TSC2: variants seen among roughly 807,000 people sequenced by gnomAD.
TSC2 encodes TSC complex subunit 2.
TSC2 carries 29 observed loss-of-function variants against 202.2 expected under a neutral mutation model. That is an observed-to-expected ratio of 0.14 (90% CI 0.11 to 0.20). The LOEUF is 0.20. TSC2 is among the 10% of genes least tolerant of loss of function. The pLI, the probability that TSC2 is intolerant of heterozygous loss-of-function variation, is 1.00. For missense variants in TSC2, 2,429 were observed against 2,420.0 expected, an observed-to-expected ratio of 1.00 and a Z score of -0.08; for synonymous variants, 1,349 against 1,044.0, an observed-to-expected ratio of 1.29 and a Z score of -5.63.
In TSC2 at chr16:2,079,117, C is replaced by A. The variant is rs1034696882; in HGVS notation, c.3052C>A (p.Leu1018Ile). 1 of 1,613,070 alleles carries A rather than the reference C, an allele frequency of 6.2e-7. No individual in the cohort carries two copies. The highest frequency in any genetic ancestry group is 1.1e-5 in the South Asian group (1 of 91,078). ...CCAGGCTGACGATAGCCTGAAAAAC[C>A]TCCACCTGGAGCTCACGGAAACCTG... ...VAQADDSLKN[L>I]HLELTETCLD... Residue 1018 changes from leucine (L) to isoleucine (I), a missense_variant, in exon 27 of 42, where the codon CTC (leucine) becomes ATC (isoleucine). Physicochemically the swap from Leu to Ile is conservative, Grantham distance 5. Transcript: ENST00000219476. This position sits in a 1 kb window ranked among gnomAD's most constrained non-coding sequence, Gnocchi z 4.6.
rs377558380 is a variant in TSC2 at position 2,056,624 on chromosome 16, G to T, written c.649-20G>T. 6.2e-7 allele frequency: 1 copy of T among 1,607,220 alleles called. No individual in the cohort carries two copies. Among genetic ancestry groups the T allele is most frequent in the Non-Finnish European group, 8.5e-7 (1 of 1,179,900 alleles). On this transcript the variant is annotated intron_variant, in intron 7 of 41. Transcript: ENST00000219476. ...AGGAGCTGGGGTAGGACGGGCGTGA[G>T]CCGTCTCCCTCTCCACCAGGTCTCC...
intron 26 of TSC2, 167 bp from the exon 27 acceptor site, chr16:2,078,864 TG>T: frequency 1.2e-6 from 1 of 806,468 alleles, no homozygotes; most frequent in Non-Finnish European, 2.0e-6. Flanking sequence ...TGGGACAATG[TG>T]GTCCACGTGA....
At chr16:2,077,271 T>G in intron 25 of TSC2, 1 of 383,360 alleles carries the variant, frequency 2.6e-6, no homozygotes. Context: ...GTGGGTGGGA[T>G]TGCCTGGCCA....
At chr16:2,078,095 C>G (rs990061802) in intron 26 of TSC2, 31 of 320,378 alleles carry the variant, frequency 9.7e-5, no homozygotes, top group African/African-American at 5.6e-4. Context: ...TTCTTCTCAA[C>G]AAGGTTTATT....
chr16:2,087,265 TGGGCTGGGTC>T (rs1283422892), intron 38 of TSC2: 2 of 357,506 alleles, frequency 5.6e-6, no homozygotes, highest in Non-Finnish European at 5.4e-6. Context: ...TTCCTGGAGG[TGGGCTGGGTC>T]GGCCAGTGTC....
chr16:2,075,601 C>T (rs1212409615), intron 22 of TSC2, among the ~76,000 whole-genome samples, 198 bp from the exon 23 acceptor site: 1 of 151,354 alleles, frequency 6.6e-6, no homozygotes, highest in Non-Finnish European at 1.5e-5. Context: ...GGCGACAGCT[C>T]GAATTGGCCC....
At position 2,058,759 on chromosome 16, in the gene TSC2, G is replaced by C. The variant is rs192567788; in HGVS notation, c.861G>C (p.Glu287Asp). The C allele has an allele frequency of 2.4e-5, 38 of 1,584,232 alleles. No homozygotes were observed. In the Admixed American group the frequency reaches 3.5e-4, roughly 14 times the overall value. ...CHLMEDRAYMEDAPLLRGAVF... is the reference protein window; with the variant it reads ...CHLMEDRAYMDDAPLLRGAVF... The stretch of plus-strand genomic sequence containing the variant: ...GGAACACTTTTAGAGCCTACATGGA[G>C]GACGCGCCCCTGCTGAGAGGAGCCG... The change falls in exon 10 of 42, where the codon GAG (glutamate) becomes GAC (aspartate). Residue 287 changes from glutamate (E) to aspartate (D), a missense_variant. Transcript: ENST00000219476.
Position 2,084,390 on chromosome 16 carries a change from G to C in TSC2, c.4168G>C (p.Glu1390Gln), listed in dbSNP as rs397515033. 1 of 1,612,188 alleles carries C rather than the reference G, an allele frequency of 6.2e-7. No individual in the cohort carries two copies. The highest frequency in any genetic ancestry group is 1.7e-5 in the Admixed American group (1 of 60,006). ...QPLSKSSSSP[E>Q]LQTLQDILGD... ...CCTGAGCAAGTCCAGCTCCTCTCCC[G>C]AGCTGCAGACTCTGCAGGACATCCT... The change falls in exon 34 of 42, where the codon GAG becomes CAG. Residue 1390 changes from glutamate to glutamine, a missense_variant. Transcript: ENST00000219476.
chr16:2,048,113 G>T (rs1330177415), intron 1 of TSC2, 48 bp downstream of exon 1: 1 of 1,478,232 alleles, frequency 6.8e-7, no homozygotes, highest in Non-Finnish European at 9.0e-7. Flanking sequence ...ACGGGGCAGC[G>T]GCCTAGAGAG....
intron 36 of TSC2, 72 bp downstream of exon 36, chr16:2,085,394 C>T: frequency 6.5e-7 from 1 of 1,527,984 alleles, no homozygotes; most frequent in African/African-American, 1.4e-5. Flanking sequence ...GGTAGGGAGT[C>T]TGGGCCCCCA....
At chr16:2,084,005 C>T (rs1288423792) in intron 33 of TSC2, among the ~76,000 whole-genome samples, 189 bp downstream of exon 33, 10 of 152,240 alleles carry the variant, frequency 6.6e-5, no homozygotes, top group African/African-American at 2.4e-4. Flanking sequence ...GGCTGCTGGG[C>T]AGCCTGTGGT....
chr16:2,050,553 T>A, intron 3 of TSC2, 67 bp downstream of exon 3: 1 of 1,408,102 alleles, frequency 7.1e-7, no homozygotes, highest in East Asian at 2.3e-5. Flanking sequence ...GTTTGCTTTT[T>A]TTAGGAACAT....
intron 2 of TSC2, 50 bp from the exon 3 acceptor site, chr16:2,050,350 A>C: frequency 6.4e-7 from 1 of 1,552,674 alleles, no homozygotes; most frequent in Non-Finnish European, 8.9e-7. Context: ...GCAGTTAAGG[A>C]GACCGTGGCC....
chr16:2,069,237 C>T (rs1216987757), intron 16 of TSC2, among the ~76,000 whole-genome samples: 2 of 152,194 alleles, frequency 1.3e-5, no homozygotes, highest in African/African-American at 2.4e-5. Context: ...TGAACCCCCA[C>T]CTCCACCTCT....
rs376234285 is a variant in TSC2, at chr16:2,065,545, C to T, written c.1626C>T (p.Pro542=). The change falls in exon 16 of 42, where the codon CCC becomes CCT. Residue 542 remains proline (P), a synonymous_variant. Transcript: ENST00000219476. ...EKVMARSLSP[P]PELEERDVAA... is the part of the protein sequence containing the mutation. ...TGATGGCCCGCTCCCTCTCCCCACC[C>T]CCGGAGCTGGAAGAAAGGGATGTGG... The T allele has an allele frequency of 5.0e-6, 8 of 1,613,682 alleles. No homozygotes were observed. Among genetic ancestry groups the T allele is most frequent in the Non-Finnish European group, 6.8e-6 (8 of 1,180,004 alleles).
chr16:2,056,613 G>A, intron 7 of TSC2, 31 bp from the exon 8 acceptor site: 1 of 1,604,820 alleles, frequency 6.2e-7, no homozygotes, highest in South Asian at 1.1e-5. Flanking sequence ...GCTGGGGTAG[G>A]ACGGGCGTGA....
Position 2,054,313 on chromosome 16 carries a change from C to G in TSC2, c.354C>G (p.Val118=), listed in dbSNP as rs762228318. The G allele has an allele frequency of 3.7e-6, 6 of 1,614,068 alleles. No homozygotes were observed. In the African/African-American group the frequency reaches 8.0e-5, roughly 22 times the overall value. ...GTCTTTAGGGCGAGCGTTTGGGGGT[C>G]CTCAGAGCCCTCTTCTTTAAGGTCA... ...IVQGQGERLG[V]LRALFFKVIK... Residue 118 remains valine (V), a synonymous_variant, in exon 5 of 42, where the codon GTC becomes GTG. Coordinates refer to ENST00000219476, the MANE Select transcript of TSC2 (RefSeq NM_000548.5).
chr16:2,080,251 C>T lies in TSC2; in HGVS notation c.3484C>T (p.Pro1162Ser), dbSNP rs895935495. Residue 1162 changes from proline (P) to serine (S), a missense_variant, in exon 30 of 42, where the codon CCA becomes TCA. Physicochemically the swap from Pro to Ser is moderately conservative, Grantham distance 74 (BLOSUM62 -1). Coordinates refer to ENST00000219476, the MANE Select transcript of TSC2 (RefSeq NM_000548.5). ...CACTTCTCCAGGACCACGGACTGCA[C>T]CAGCCGCGAAACCTGAGAAGGCCTC... is the stretch of plus-strand genomic sequence containing the variant. ...SATSPGPRTAPAAKPEKASAG... is the reference protein window; with the variant it reads ...SATSPGPRTASAAKPEKASAG... The T allele has an allele frequency of 1.9e-6, 3 of 1,612,892 alleles. No individual in the cohort carries two copies. The highest frequency in any genetic ancestry group is 2.5e-6 in the Non-Finnish European group (3 of 1,180,038).
intron 25 of TSC2, 56 bp from the exon 26 acceptor site, chr16:2,077,542 C>G (rs1458283076): frequency 6.2e-7 from 1 of 1,610,282 alleles, no homozygotes; most frequent in Non-Finnish European, 8.5e-7. Flanking sequence ...GGCTTGTTCT[C>G]CCCTTCCCGG....
Sources: allele counts gnomAD v4.1 joint callset (sites outside exome capture counted in the v4.1 genomes callset), GRCh38; gene constraint gnomAD v4.1.1; non-coding constraint Gnocchi (gnomAD v3.1); transcripts MANE v1.5; gene names NCBI Gene and HGNC (gene_info 2026-07-23, HGNC 2026-07-21).